BRAF: variants seen among roughly 807,000 people sequenced by gnomAD.
BRAF encodes B-Raf proto-oncogene, serine/threonine kinase.
A neutral mutation model predicts 104.6 loss-of-function variants in BRAF; 16 were observed. The observed-to-expected ratio is 0.15, with a 90% CI of 0.10 to 0.23. The LOEUF (loss-of-function observed/expected upper bound fraction) is 0.23, where lower values mean the gene tolerates loss of function less well. BRAF is among the 10% of genes least tolerant of loss of function. BRAF has a pLI of 1.00. For synonymous variants in BRAF, 310 were observed against 341.6 expected, an observed-to-expected ratio of 0.91 and a Z score of 1.02; for missense variants, 541 against 937.3, an observed-to-expected ratio of 0.58 and a Z score of 5.52.
At chr7:140,921,529 ATTAG>A (rs572623955) in intron 1 of BRAF, among the ~76,000 whole-genome samples, 42 of 152,104 alleles carry the variant, frequency 2.8e-4, no homozygotes, top group African/African-American at 4.6e-4. Flanking sequence ...CAAAAAAATG[ATTAG>A]TTAAATAAAT....
chr7:140,817,862 A>G (rs985448191), intron 3 of BRAF, among the ~76,000 whole-genome samples: 1 of 152,240 alleles, frequency 6.6e-6, no homozygotes, highest in African/African-American at 2.4e-5. Flanking sequence ...CAATGGAGAA[A>G]AAGATAAACT....
intron 5 of BRAF, among the ~76,000 whole-genome samples, chr7:140,804,107 A>C (rs1379211819): frequency 2.0e-5 from 3 of 151,296 alleles, no homozygotes; most frequent in Admixed American, 2.0e-4. Flanking sequence ...GGCTGGTCTC[A>C]AACTCCTGAC....
At position 140,719,505 on chromosome 7, in the gene BRAF, C is replaced by T. The variant is rs2130814060; in HGVS notation, c.*6989G>A. On this transcript the variant is annotated 3_prime_UTR_variant, in exon 20 of 20. Transcript: ENST00000644969. ...TTATTCTCCATGCTTTCTATCCAAACTGAACAATATTTTCTGTTATACAAA... is the reference window on the plus strand; with the variant it reads ...TTATTCTCCATGCTTTCTATCCAAATTGAACAATATTTTCTGTTATACAAA... 9.7e-7 allele frequency: 1 copy of T among 1,030,588 alleles called. No individual in the cohort carries two copies. 63.8% of individuals were successfully genotyped at this position (1,030,588 alleles called of 1,614,324 possible).
At chr7:140,752,853 C>A (rs1797895898) in intron 16 of BRAF, among the ~76,000 whole-genome samples, 1 of 151,792 alleles carries the variant, frequency 6.6e-6, no homozygotes, top group Non-Finnish European at 1.5e-5. Flanking sequence ...CCTTAAATTG[C>A]ATACCTGTTT....
chr7:140,860,261 T>C (rs974377620), intron 1 of BRAF, among the ~76,000 whole-genome samples: 1 of 152,102 alleles, frequency 6.6e-6, no homozygotes, highest in East Asian at 1.9e-4. Context: ...GCCATCCTTT[T>C]GGAAAAGGTC....
downstream of BRAF, among the ~76,000 whole-genome samples, chr7:140,716,756 T>G (rs1795137541): frequency 6.6e-6 from 1 of 152,130 alleles, no homozygotes; most frequent in African/African-American, 2.4e-5. Context: ...ATACCACAAT[T>G]AGTTGTCTAA....
chr7:140,822,245 TA>T (rs1805566123), intron 3 of BRAF: 1 of 152,112 alleles, frequency 6.6e-6, no homozygotes, highest in South Asian at 2.1e-4. Flanking sequence ...TCAGCTTTCT[TA>T]AAGGCTATTA....
In BRAF at chr7:140,783,104, T is replaced by G; in HGVS notation, c.1351A>C (p.Thr451Pro). ...GATTTCTGTAAGGCTTTCACGTTAG[T>G]TAGTGAGCCAGGTAATGAGGCAGGG... is the stretch of plus-strand genomic sequence containing the variant. The part of the protein sequence containing the change: ...TPPASLPGSL[T>P]NVKALQKSPG... Residue 451 changes from threonine to proline, a missense_variant, in exon 11 of 20, where the codon ACT (threonine) becomes CCT (proline). Physicochemically the swap from Thr to Pro is conservative, Grantham distance 38. This residue lies in a region of BRAF where 109 missense variants were observed against 143.9 expected (regional missense o/e 0.76). Coordinates refer to ENST00000644969, the MANE Select transcript of BRAF (RefSeq NM_001374258.1). 6.2e-7 allele frequency: 1 copy of G among 1,614,078 alleles called. No homozygotes were observed. Among genetic ancestry groups the G allele is most frequent in the Non-Finnish European group, 8.5e-7 (1 of 1,180,006 alleles).
At chr7:140,770,764 C>T (rs902983300) in intron 14 of BRAF, among the ~76,000 whole-genome samples, 2 of 151,734 alleles carry the variant, frequency 1.3e-5, no homozygotes, top group African/African-American at 4.8e-5. Flanking sequence ...GGTGAAAACC[C>T]GTTTACTAAA....
chr7:140,834,854 T>C lies in BRAF; in HGVS notation c.259A>G (p.Ser87Gly), dbSNP rs876661018. Reference protein sequence around the residue: ...IYLEAYEEYTSKLDALQQREQ... With the variant: ...IYLEAYEEYTGKLDALQQREQ... ...CTTTGTTGGAGTGCATCTAGCTTGC[T>C]GGTGTATTCTTCATAGGCCTATAAA... The change falls in exon 3 of 20, where the codon AGC becomes GGC. Residue 87 changes from serine (S) to glycine (G), a missense_variant. By Grantham distance (56) the Ser-to-Gly change is moderately conservative (BLOSUM62 0). Transcript: ENST00000644969. 1.2e-6 allele frequency: 2 copies of C among 1,614,066 alleles called. No homozygotes were observed. Among genetic ancestry groups the C allele is most frequent in the African/African-American group, 2.7e-5 (2 of 74,952 alleles).
intron 11 of BRAF, among the ~76,000 whole-genome samples, chr7:140,782,265 T>C (rs1800953285): frequency 6.6e-6 from 1 of 152,184 alleles, no homozygotes; most frequent in South Asian, 2.1e-4. Context: ...GAATGTATAT[T>C]ACTGAAATAA....
intron 2 of BRAF, among the ~76,000 whole-genome samples, chr7:140,841,557 AAC>A (rs1234392912): frequency 2.0e-5 from 3 of 152,232 alleles, no homozygotes; most frequent in African/African-American, 7.2e-5. Flanking sequence ...ATTCAGCCAT[AAC>A]AAGAAATGAA....
Position 140,720,246 on chromosome 7 carries a change from TAC to T in BRAF, c.*6246_*6247del. 9.4e-7 allele frequency: 1 copy of T among 1,062,704 alleles called. No individual in the cohort carries two copies. The highest frequency in any genetic ancestry group is 1.1e-6 in the Non-Finnish European group (1 of 877,692). 65.8% of individuals were successfully genotyped at this position (1,062,704 alleles called of 1,614,324 possible). A position where few individuals can be genotyped will look rare whatever the true frequency, so the allele number is the denominator to read the frequency against. On this transcript the variant is annotated 3_prime_UTR_variant, in exon 20 of 20. Transcript: ENST00000644969. ...TTACCACAAATACATATCACTGTGA[TAC>T]AGTCCTCAAAAATCAGGCGATATCA... is the stretch of plus-strand genomic sequence containing the variant.
intron 1 of BRAF, among the ~76,000 whole-genome samples, chr7:140,854,567 G>A (rs755621999): frequency 7.2e-5 from 11 of 152,120 alleles, no homozygotes; most frequent in Non-Finnish European, 1.6e-4. Context: ...GGATGGGAGA[G>A]AGAAAGTGGG....
chr7:140,845,710 A>G (rs1225713244), intron 2 of BRAF, among the ~76,000 whole-genome samples: 1 of 152,072 alleles, frequency 6.6e-6, no homozygotes, highest in Non-Finnish European at 1.5e-5. Context: ...ACGGAGTCTT[A>G]TTCTGTCCCC....
chr7:140,867,721 A>G (rs1811129488), intron 1 of BRAF, among the ~76,000 whole-genome samples: 1 of 152,144 alleles, frequency 6.6e-6, no homozygotes, highest in African/African-American at 2.4e-5. Flanking sequence ...GTAAGAGAAA[A>G]CTAGTTCAAA....
chr7:140,722,350 T>G lies in BRAF; in HGVS notation c.*4144A>C. ...GCACTCTAAAAATTATTAACACAGC[T>G]GAGTTAAACCAGAGTGGCTGCTCTC... On this transcript the variant is annotated 3_prime_UTR_variant, in exon 20 of 20. Coordinates refer to ENST00000644969, the MANE Select transcript of BRAF (RefSeq NM_001374258.1). 1 of 1,054,968 alleles carries G rather than the reference T, an allele frequency of 9.5e-7. No individual in the cohort carries two copies. Among genetic ancestry groups the G allele is most frequent in the African/African-American group, 1.6e-5 (1 of 60,668 alleles). 65.4% of individuals were successfully genotyped at this position (1,054,968 alleles called of 1,614,324 possible).
rs2129152380 is a variant in BRAF, at chr7:140,924,094, G to C, written c.138+472C>G. On this transcript the variant is annotated intron_variant, in intron 1 of 19. Transcript: ENST00000644969. This position sits in a 1 kb window ranked among gnomAD's most constrained non-coding sequence, Gnocchi z 4.2. ...AGAAGGGGGGCAGTCCGGGAGAGGA[G>C]AGAGGAAATGATGAGCCCCATCATC... Among the ~76,000 whole-genome samples, 1 of 152,266 alleles carries C rather than the reference G, an allele frequency of 6.6e-6. No individual in the cohort carries two copies. Among genetic ancestry groups the C allele is most frequent in the Admixed American group, 6.5e-5 (1 of 15,302 alleles).
chr7:140,854,200 C>A (rs1238407166), intron 1 of BRAF, among the ~76,000 whole-genome samples: 1 of 152,110 alleles, frequency 6.6e-6, no homozygotes, highest in African/African-American at 2.4e-5. Context: ...TTCCTTAGAG[C>A]ATCCCTCTAT....
Sources: gnomAD v4.1 joint callset for allele counts (sites outside exome capture counted in the v4.1 genomes callset) on GRCh38, gnomAD v4.1.1 for gene constraint, gnomAD v4.1.1 regional missense constraint, Gnocchi (gnomAD v3.1) non-coding constraint, MANE v1.5 for transcripts, NCBI Gene and HGNC (gene_info 2026-07-23, HGNC 2026-07-21) for gene names.